TRIM55: variants seen among roughly 807,000 people sequenced by gnomAD.
TRIM55 encodes the protein tripartite motif-containing protein 55.
A neutral mutation model predicts 60.9 loss-of-function variants in TRIM55; 50 were observed. The observed-to-expected ratio is 0.82, with a 90% confidence interval of 0.65 to 1.04. The LOEUF (loss-of-function observed/expected upper bound fraction) is 1.04. Ranked by LOEUF, TRIM55 falls within the 50% of genes least tolerant of loss-of-function variation. TRIM55 has a pLI of 0.00. For synonymous variants in TRIM55, 237 were observed against 238.1 expected (o/e 1.00, Z 0.04); for missense variants, 681 against 666.9 (o/e 1.02, Z -0.23).
chr8:66,163,034 T>A (rs948539641), intron 9 of TRIM55, among the ~76,000 whole-genome samples: 1 of 152,188 alleles, frequency 6.6e-6, no homozygotes, highest in Non-Finnish European at 1.5e-5. Context: ...TTTGTAGAAA[T>A]TCAATTGACC....
At position 66,154,240 on chromosome 8, in the gene TRIM55, C is replaced by G. The variant is rs767432272; in HGVS notation, c.1430C>G (p.Ser477Trp). ...GQIGPPGSED[S>W]NVRKAEVAAA... ...ATAGGGCCTCCAGGTTCTGAGGATT[C>G]GAATGTACGGAAGGCAGAAGTGGCA... Residue 477 changes from serine (S) to tryptophan (W), a missense_variant, in exon 9 of 10, where the codon TCG becomes TGG. Ser to Trp is a radical substitution (Grantham distance 177). Transcript: ENST00000315962. 11 of 1,614,040 alleles carry G rather than the reference C, an allele frequency of 6.8e-6. No individual in the cohort carries two copies. The South Asian group carries it at 1.1e-4, about 16-fold the overall frequency.
intron 9 of TRIM55, among the ~76,000 whole-genome samples, chr8:66,169,145 G>A (rs1357782344): frequency 6.6e-6 from 1 of 151,918 alleles, no homozygotes; most frequent in African/African-American, 2.4e-5. Flanking sequence ...AAAAAATAAT[G>A]CCCCCCCACA....
chr8:66,162,920 A>G (rs6472256), intron 9 of TRIM55, among the ~76,000 whole-genome samples: 35,005 of 151,828 alleles, frequency 0.23, 8,079 homozygotes, highest in African/African-American at 0.6. Context: ...TGTAGATGAG[A>G]TAAGGATCAA....
Position 66,149,841 on chromosome 8 carries a change from A to T in TRIM55, c.800A>T (p.Gln267Leu). Residue 267 changes from glutamine to leucine, a missense_variant, in exon 5 of 10, where the codon CAG (glutamine) becomes CTG (leucine). Gln to Leu is a moderately radical substitution (Grantham distance 113, BLOSUM62 -2). Transcript: ENST00000315962. ...NVSKLVESGI[Q>L]FMDEPEMAVF... ...TCAAAGTTGGTTGAGTCAGGAATTC[A>T]GTTTATGGATGAGCCAGAAATGGCA... is the stretch of plus-strand genomic sequence containing the variant. 6.2e-7 allele frequency: 1 copy of T among 1,614,176 alleles called. No homozygotes were observed. The highest frequency in any genetic ancestry group is 8.5e-7 in the Non-Finnish European group (1 of 1,179,986).
intron 4 of TRIM55, among the ~76,000 whole-genome samples, chr8:66,145,381 A>G (rs1810042952): frequency 1.3e-5 from 2 of 152,194 alleles, no homozygotes; most frequent in Non-Finnish European, 2.9e-5. Flanking sequence ...CATTTTTTGC[A>G]TAGAATTATA....
chr8:66,165,013 C>T (rs1018079356), intron 9 of TRIM55, among the ~76,000 whole-genome samples: 3 of 151,990 alleles, frequency 2.0e-5, no homozygotes, highest in Non-Finnish European at 4.4e-5. Context: ...AGACTGGTAG[C>T]GGGTAAGGGA....
At chr8:66,152,875 C>T (rs1437604754) in intron 8 of TRIM55, among the ~76,000 whole-genome samples, 1 of 151,276 alleles carries the variant, frequency 6.6e-6, no homozygotes, top group Non-Finnish European at 1.5e-5. Flanking sequence ...GTAATGCCCT[C>T]AAATCAAAGG....
chr8:66,140,076 G>T (rs1809719706), intron 4 of TRIM55, among the ~76,000 whole-genome samples: 1 of 152,180 alleles, frequency 6.6e-6, no homozygotes, highest in East Asian at 1.9e-4. Context: ...TGTCCTAGGA[G>T]CAATAGATTG....
At position 66,128,348 on chromosome 8, in the gene TRIM55, A is replaced by C; in HGVS notation, c.213A>C (p.Ala71=). 6.2e-7 allele frequency: 1 copy of C among 1,613,476 alleles called. No individual in the cohort carries two copies. Among genetic ancestry groups the C allele is most frequent in the Non-Finnish European group, 8.5e-7 (1 of 1,179,664 alleles). Residue 71 remains alanine, a synonymous_variant, in exon 2 of 10, where the codon GCA becomes GCC. Coordinates refer to ENST00000315962, the MANE Select transcript of TRIM55 (RefSeq NM_184085.2). ...CCACAAGAGGAGGTACCACCATGGC[A>C]TCAGGGGGCCGATTCCGCTGCCCAT... ...YLPTRGGTTM[A]SGGRFRCPSC...
At chr8:66,149,557 A>G in intron 4 of TRIM55, 88 bp from the exon 5 acceptor site, 1 of 1,043,432 alleles carries the variant, frequency 9.6e-7, no homozygotes, top group Non-Finnish European at 1.4e-6. Context: ...ACATAAGTAA[A>G]TGTTCTTCTT....
intron 2 of TRIM55, among the ~76,000 whole-genome samples, chr8:66,131,378 G>A (rs1415666982): frequency 6.6e-6 from 1 of 152,102 alleles, no homozygotes; most frequent in East Asian, 1.9e-4. Context: ...TCTTTTAGCT[G>A]TTTTTCTGCT....
rs898752275 is a variant in TRIM55, at chr8:66,135,098, T to C, written c.450T>C (p.Phe150=). 2.5e-6 allele frequency: 4 copies of C among 1,614,206 alleles called. No homozygotes were observed. The highest frequency in any genetic ancestry group is 3.4e-6 in the Non-Finnish European group (4 of 1,180,034). The change falls in exon 3 of 10, where the codon TTT becomes TTC. Residue 150 remains phenylalanine, a synonymous_variant. Coordinates refer to ENST00000315962, the MANE Select transcript of TRIM55 (RefSeq NM_184085.2). ...EVPTCSLCKV[F]GAHKDCQVAP... is the part of the protein sequence containing the mutation. The stretch of plus-strand genomic sequence containing the variant: ...CCACCTGCTCTCTGTGCAAGGTGTT[T>C]GGTGCACACAAAGACTGCCAGGTGG...
intron 9 of TRIM55, among the ~76,000 whole-genome samples, chr8:66,158,990 A>G (rs1181157381): frequency 6.6e-6 from 1 of 152,256 alleles, no homozygotes. Context: ...GACACAGAAC[A>G]GTCAGTGGAT....
intron 7 of TRIM55, 90 bp from the exon 8 acceptor site, chr8:66,152,287 C>T: frequency 6.8e-7 from 1 of 1,472,986 alleles, no homozygotes; most frequent in Non-Finnish European, 8.9e-7. Context: ...CCAGCCTTGA[C>T]CTTAACTAGG....
At chr8:66,168,351 A>G (rs575600388) in intron 9 of TRIM55, among the ~76,000 whole-genome samples, 2 of 152,312 alleles carry the variant, frequency 1.3e-5, no homozygotes, top group East Asian at 3.9e-4. Context: ...CCAGTTAGGA[A>G]TCTGTAACAC....
intron 2 of TRIM55, among the ~76,000 whole-genome samples, chr8:66,132,536 G>T (rs1246587005): frequency 5.3e-5 from 8 of 152,100 alleles, no homozygotes; most frequent in African/African-American, 1.9e-4. Context: ...AAACTCTAGG[G>T]TGGCCCCGGG....
rs116884556 is a variant in TRIM55 at position 66,169,504 on chromosome 8, C to A, written c.1525-4967C>A. 1.6e-4 allele frequency among the ~76,000 whole-genome samples: 24 copies of A among 152,274 alleles called. No homozygotes were observed. The East Asian group carries it at 4.2e-3, about 27-fold the overall frequency. ...GCATTTTACTTCCTTTTCTTTGACA[C>A]CTTCAACTAAAAATTAACCTTCTGT... On this transcript the variant is annotated intron_variant, in intron 9 of 9. Coordinates refer to ENST00000315962, the MANE Select transcript of TRIM55 (RefSeq NM_184085.2).
intron 4 of TRIM55, among the ~76,000 whole-genome samples, chr8:66,147,254 G>T (rs1009332790): frequency 3.9e-5 from 6 of 152,182 alleles, no homozygotes; most frequent in African/African-American, 1.4e-4. Context: ...ATCCATGAAT[G>T]AATGGGTGGA....
intron 8 of TRIM55, 107 bp downstream of exon 8, chr8:66,152,734 C>T: frequency 7.1e-7 from 1 of 1,413,820 alleles, no homozygotes; most frequent in Non-Finnish European, 9.4e-7. Flanking sequence ...AACTATATGC[C>T]AGACATTCGT....
Sources: gnomAD v4.1 joint callset for allele counts (sites outside exome capture counted in the v4.1 genomes callset) on GRCh38, gnomAD v4.1.1 for gene constraint, MANE v1.5 for transcripts, NCBI Gene and HGNC (gene_info 2026-07-23, HGNC 2026-07-21) for gene names.